The following PLEKHA6 variants were observed in gnomAD, a reference collection of about 807,000 sequenced individuals.
PLEKHA6 encodes pleckstrin homology domain-containing family A member 6.
Under a neutral mutation model 116.7 loss-of-function variants are expected in PLEKHA6, and 60 were observed. The ratio of observed to expected loss-of-function variants is 0.51; its 90% CI spans 0.42 to 0.64. PLEKHA6 has a LOEUF of 0.64. Among genes scored for constraint, PLEKHA6 ranks in the 30% least tolerant of loss-of-function variants. The pLI is 0.00. For missense variants in PLEKHA6, 1,338 were observed against 1,422.7 expected (o/e 0.94, Z 0.96); for synonymous variants, 489 against 556.1 (o/e 0.88, Z 1.70).
intron 17 of PLEKHA6, among the ~76,000 whole-genome samples, chr1:204,240,733 G>C (rs762456142): frequency 1.3e-5 from 2 of 152,180 alleles, no homozygotes; most frequent in Non-Finnish European, 2.9e-5. Context: ...AAGTTGACAA[G>C]GGGTGGACTT....
At chr1:204,299,498 G>A (rs1558158083) in intron 1 of PLEKHA6, 3 of 251,552 alleles carry the variant, frequency 1.2e-5, no homozygotes. Context: ...GAAGGTGGCA[G>A]GGGAGGACTG....
chr1:204,317,122 C>T (rs1671889747), intron 1 of PLEKHA6: 1 of 367,110 alleles, frequency 2.7e-6, no homozygotes. Context: ...TCACCAAATT[C>T]AGCTCTTCTG....
intron 6 of PLEKHA6, among the ~76,000 whole-genome samples, chr1:204,263,734 TTGTGTGTGTGGG>T (rs1373014482): frequency 1.3e-5 from 2 of 150,546 alleles, no homozygotes; most frequent in African/African-American, 2.4e-5. Flanking sequence ...GGCTGTTTGA[TTGTGTGTGTGGG>T]TGTGTGTGTG....
intron 1 of PLEKHA6, among the ~76,000 whole-genome samples, chr1:204,322,345 TAA>T (rs1672092712): frequency 6.6e-6 from 1 of 152,206 alleles, no homozygotes; most frequent in Non-Finnish European, 1.5e-5. Context: ...CTCAAGGCTC[TAA>T]ACTGGATGAC....
chr1:204,331,461 T>C (rs1029398334), intron 1 of PLEKHA6, among the ~76,000 whole-genome samples: 1 of 152,166 alleles, frequency 6.6e-6, no homozygotes, highest in Non-Finnish European at 1.5e-5. Context: ...CCTCCCAGGC[T>C]GCTTCCTCCC....
At chr1:204,370,441 A>T (rs1432199021) in intron 2 of PLEKHA6, among the ~76,000 whole-genome samples, 3 of 152,212 alleles carry the variant, frequency 2.0e-5, no homozygotes, top group Non-Finnish European at 4.4e-5. Context: ...ATCTCCCCGC[A>T]CTGTGACCCA....
At chr1:204,285,458 G>GTT (rs1235369165) in intron 1 of PLEKHA6, among the ~76,000 whole-genome samples, 3 of 128,688 alleles carry the variant, frequency 2.3e-5, no homozygotes, top group African/African-American at 5.4e-5. Flanking sequence ...TGTTGTTGTT[G>GTT]GTTTTTTTTT....
Position 204,235,014 on chromosome 1 carries a change from CTAATAGCAGATATATATATA to C in PLEKHA6, c.2410-4448_2410-4429del, listed in dbSNP as rs1661826390. On this transcript the variant is annotated intron_variant, in intron 17 of 22. Transcript: ENST00000272203. The stretch of plus-strand genomic sequence containing the variant: ...TATATATATATATATATATATATAT[CTAATAGCAGATATATATATA>C]TATCTGCTATTAGTTCTGTCCCTCT... Among the ~76,000 whole-genome samples the C allele has an allele frequency of 1.5e-4, 9 of 58,398 alleles. No individual in the cohort carries two copies. In the South Asian group the frequency reaches 5.6e-3, roughly 36 times the overall value. The allele number at this position is 58,398 out of a possible 152,430, so 38.3% of individuals were successfully genotyped here. A position where few individuals can be genotyped will look rare whatever the true frequency, so the allele number is the denominator to read the frequency against.
chr1:204,305,213 C>T (rs975238353), intron 1 of PLEKHA6, among the ~76,000 whole-genome samples: 4 of 152,190 alleles, frequency 2.6e-5, no homozygotes, highest in Non-Finnish European at 5.9e-5. Flanking sequence ...CAGTTTTCCA[C>T]TCTGCCTTCC....
intron 1 of PLEKHA6, chr1:204,297,745 G>C (rs1670425772): frequency 3.6e-6 from 1 of 274,370 alleles, no homozygotes; most frequent in Non-Finnish European, 5.6e-6. Context: ...CCCAGCTTGT[G>C]GAACCACCAG....
At chr1:204,230,685 C>T (rs1430283359) in intron 17 of PLEKHA6, 99 bp from the exon 18 acceptor site, 1 of 1,009,462 alleles carries the variant, frequency 9.9e-7, no homozygotes, top group Non-Finnish European at 1.4e-6. Flanking sequence ...GGAAGTCTGC[C>T]TGTAGTGGAC....
intron 17 of PLEKHA6, among the ~76,000 whole-genome samples, chr1:204,237,414 C>G (rs1412788860): frequency 1.3e-5 from 2 of 152,152 alleles, no homozygotes; most frequent in African/African-American, 2.4e-5. Context: ...GAGATTAGTG[C>G]CACAATCAAG....
At position 204,305,013 on chromosome 1, in the gene PLEKHA6, C is replaced by G. The variant is rs554586504; in HGVS notation, c.-94-30204G>C. Among the ~76,000 whole-genome samples, 399 of 152,252 alleles carry G rather than the reference C, an allele frequency of 2.6e-3. 4 individuals carry two copies. The highest frequency in any genetic ancestry group is 9.2e-3 in the African/African-American group (383 of 41,544). On this transcript the variant is annotated intron_variant, in intron 1 of 22. Coordinates refer to ENST00000272203, the MANE Select transcript of PLEKHA6 (RefSeq NM_014935.5). ...GAATTTTACCATATCCTCGCCTGTT[C>G]AAATAATTCAGGGACAATAGAGAAG...
chr1:204,363,307 A>G (rs1237776226), upstream of PLEKHA6, among the ~76,000 whole-genome samples: 1 of 152,030 alleles, frequency 6.6e-6, no homozygotes, highest in Non-Finnish European at 1.5e-5. Context: ...CCTCCCTGCA[A>G]CCCCTCAAGA....
At chr1:204,308,944 C>T (rs918797819) in intron 1 of PLEKHA6, 3 of 249,846 alleles carry the variant, frequency 1.2e-5, no homozygotes, top group Non-Finnish European at 1.3e-5. Context: ...CCACCTTGGC[C>T]TCCCAAAGTG....
intron 1 of PLEKHA6, among the ~76,000 whole-genome samples, chr1:204,345,091 C>T (rs4951362): frequency 0.95 from 145,023 of 152,276 alleles, 69,164 homozygotes; most frequent in East Asian, 1. Flanking sequence ...GTGGATGGAA[C>T]ATTTCAGAAC....
At position 204,228,226 on chromosome 1, in the gene PLEKHA6, A is replaced by C. The variant is rs1406257177; in HGVS notation, c.2888T>G (p.Met963Arg). The C allele has an allele frequency of 6.2e-7, 1 of 1,600,674 alleles. No homozygotes were observed. Among genetic ancestry groups the C allele is most frequent in the Non-Finnish European group, 8.5e-7 (1 of 1,171,542 alleles). Residue 963 changes from methionine to arginine, a missense_variant and splice_region_variant, in exon 21 of 23, where the codon ATG becomes AGG. Met to Arg is a moderately conservative substitution (Grantham distance 91). Transcript: ENST00000272203. The surrounding 1 kb of genome is among the most constrained non-coding windows in gnomAD (Gnocchi z 4.0). ...CTCGCCGATGGGCACCACGTTCTGC[A>C]TACTGAAGAGGCACAGACACACAGA... ...RIKTLIAKSSMQNVVPIGEGD... is the reference protein window; with the variant it reads ...RIKTLIAKSSRQNVVPIGEGD...
chr1:204,292,640 G>C (rs141919278), intron 1 of PLEKHA6, among the ~76,000 whole-genome samples: 110 of 152,298 alleles, frequency 7.2e-4, no homozygotes, highest in Non-Finnish European at 1.4e-3. Context: ...TCTTGCCCTG[G>C]CTTGGTCTTT....
intron 17 of PLEKHA6, 86 bp downstream of exon 17, chr1:204,241,289 C>T (rs755152716): frequency 7.5e-5 from 61 of 808,222 alleles, no homozygotes; most frequent in Non-Finnish European, 1.1e-4. Flanking sequence ...ATTTCTTGAA[C>T]AGCAGAGGGA....
Sources: allele counts gnomAD v4.1 joint callset (sites outside exome capture counted in the v4.1 genomes callset), GRCh38; gene constraint gnomAD v4.1.1; non-coding constraint Gnocchi (gnomAD v3.1); transcripts MANE v1.5; gene names NCBI Gene and HGNC (gene_info 2026-07-23, HGNC 2026-07-21).